The following MFSD2B variants were observed in gnomAD, a reference collection of about 807,000 sequenced individuals.
The protein encoded by MFSD2B is MFSD2 lysolipid transporter B, sphingolipid.
Under a neutral mutation model 58.4 loss-of-function variants are expected in MFSD2B, and 56 were observed. That is an observed-to-expected ratio of 0.96 (90% confidence interval 0.77 to 1.20). MFSD2B has a LOEUF of 1.20. MFSD2B is among the 50% of genes most tolerant of loss of function. MFSD2B has a pLI of 0.00. For missense variants in MFSD2B, 645 were observed against 667.6 expected (o/e 0.97, Z 0.37); for synonymous variants, 287 against 294.4 (o/e 0.97, Z 0.26).
intron 2 of MFSD2B, 51 bp from the exon 3 acceptor site, chr2:24,016,105 C>G: frequency 6.2e-7 from 1 of 1,608,846 alleles, no homozygotes; most frequent in Admixed American, 1.7e-5. Context: ...TGGATGGGCT[C>G]TCTGCTGCTG....
Position 24,010,144 on chromosome 2 carries a change from G to A in MFSD2B, c.48G>A (p.Glu16=). 6.8e-7 allele frequency: 1 copy of A among 1,464,304 alleles called. No homozygotes were observed. Among genetic ancestry groups the A allele is most frequent in the Non-Finnish European group, 9.0e-7 (1 of 1,114,534 alleles). The allele number at this position is 1,464,304 out of a possible 1,614,324, so 90.7% of individuals were successfully genotyped here. Residue 16 remains glutamate, a synonymous_variant, in exon 1 of 14, where the codon GAG becomes GAA. Transcript: ENST00000338315. ...CCGCCAAGGGGTCCCCGCAGCCGGAGCCGCACGCCCCAGAGCCCGGCCCGG... is the reference window on the plus strand; with the variant it reads ...CCGCCAAGGGGTCCCCGCAGCCGGAACCGCACGCCCCAGAGCCCGGCCCGG... ...APAAKGSPQP[E]PHAPEPGPGS... is the part of the protein sequence containing the mutation.
rs1188281033 is a variant in MFSD2B, at chr2:24,012,184, A to G, written c.97-1101A>G. On this transcript the variant is annotated intron_variant, in intron 1 of 13. Transcript: ENST00000338315. This position sits in a 1 kb window ranked among gnomAD's most constrained non-coding sequence, Gnocchi z 4.5. ...CACACACACACACACACACACAAAAACAGACAAAAAAACCCTGCAATAGCA... is the reference window on the plus strand; with the variant it reads ...CACACACACACACACACACACAAAAGCAGACAAAAAAACCCTGCAATAGCA... 7.7e-6 allele frequency among the ~76,000 whole-genome samples: 1 copy of G among 129,486 alleles called. No homozygotes were observed. The highest frequency in any genetic ancestry group is 2.8e-5 in the African/African-American group (1 of 35,818). The allele number at this position is 129,486 out of a possible 152,430, so 84.9% of individuals were successfully genotyped here.
chr2:24,010,958 T>C (rs1239925109), intron 1 of MFSD2B, among the ~76,000 whole-genome samples: 2 of 152,180 alleles, frequency 1.3e-5, no homozygotes, highest in Admixed American at 6.5e-5. Flanking sequence ...CCGGGGACTC[T>C]CACTTCCCAG....
chr2:24,018,882 G>C (rs1425689985), intron 6 of MFSD2B: 2 of 126,244 alleles, frequency 1.6e-5, no homozygotes, highest in African/African-American at 6.2e-5. Context: ...ACGGAATCTC[G>C]ATCTGTTGCC....
chr2:24,021,535 T>G lies in MFSD2B; in HGVS notation c.682-113T>G. ...AGGTGGGGACCCAGCGTCCTGGGCT[T>G]GGGTTGTGCCTCCCTCCGCTCCCAC... On this transcript the variant is annotated intron_variant, in intron 6 of 13. Coordinates refer to ENST00000338315, the MANE Select transcript of MFSD2B (RefSeq NM_001346880.2). This position sits in a 1 kb window ranked among gnomAD's most constrained non-coding sequence, Gnocchi z 5.7. 1 of 929,378 alleles carries G rather than the reference T, an allele frequency of 1.1e-6. No homozygotes were observed. Among genetic ancestry groups the G allele is most frequent in the Non-Finnish European group, 1.7e-6 (1 of 594,662 alleles). 57.6% of individuals were successfully genotyped at this position (929,378 alleles called of 1,614,324 possible).
At chr2:24,013,198 G>T (rs1271370055) in intron 1 of MFSD2B, 87 bp from the exon 2 acceptor site, 53 of 1,364,222 alleles carry the variant, frequency 3.9e-5, no homozygotes, top group Non-Finnish European at 5.1e-5. Context: ...ACATCACAGA[G>T]ACTCAGGATG....
intron 1 of MFSD2B, 147 bp from the exon 2 acceptor site, chr2:24,013,138 A>G (rs565833170): frequency 2.0e-4 from 134 of 659,658 alleles, no homozygotes; most frequent in Non-Finnish European, 2.4e-4. Context: ...TCCTCTTAGG[A>G]TGACATGGGG....
chr2:24,012,177 C>CAA lies in MFSD2B; in HGVS notation c.97-1107_97-1106insAA, dbSNP rs1217593962. Among the ~76,000 whole-genome samples the CAA allele has an allele frequency of 5.4e-3, 798 of 146,960 alleles. 24 individuals are homozygous for CAA. Among genetic ancestry groups the CAA allele is most frequent in the African/African-American group, 0.017 (685 of 39,544 alleles). On this transcript the variant is annotated intron_variant, in intron 1 of 13. Transcript: ENST00000338315. This position sits in a 1 kb window ranked among gnomAD's most constrained non-coding sequence, Gnocchi z 4.5. ...ACACACACACACACACACACACACA[C>CAA]ACAAAAACAGACAAAAAAACCCTGC... is the stretch of plus-strand genomic sequence containing the variant.
In MFSD2B at chr2:24,016,950, GTTCCAGGCCC is replaced by G. The variant is rs758755598; in HGVS notation, c.455_464del (p.Phe152TrpfsTer16). The G allele has an allele frequency of 9.3e-6, 15 of 1,613,738 alleles. No homozygotes were observed. In the African/African-American group the frequency reaches 1.9e-4, roughly 20 times the overall value. The stretch of plus-strand genomic sequence containing the variant: ...TCTGGTACACGACTTTCTACTGCCT[GTTCCAGGCCC>G]TGGCCACGGTAAGCAGGGCCCCTTC... On this transcript the variant is annotated frameshift_variant, in exon 4 of 14. Transcript: ENST00000338315. LOFTEE classifies it high-confidence loss of function.
chr2:24,014,475 G>A (rs898026699), intron 2 of MFSD2B, among the ~76,000 whole-genome samples: 2 of 152,162 alleles, frequency 1.3e-5, no homozygotes, highest in Admixed American at 6.5e-5. Flanking sequence ...TCTTCTTCCA[G>A]TGTGGCCCAC....
At chr2:24,014,549 T>C (rs1286378806) in intron 2 of MFSD2B, among the ~76,000 whole-genome samples, 1 of 152,196 alleles carries the variant, frequency 6.6e-6, no homozygotes, top group Non-Finnish European at 1.5e-5. Context: ...TTCAAAATAA[T>C]GATCTATACC....
rs978629406 is a variant in MFSD2B at position 24,022,201 on chromosome 2, G to A, written c.894+231G>A. Among the ~76,000 whole-genome samples, 1 of 152,186 alleles carries A rather than the reference G, an allele frequency of 6.6e-6. No individual in the cohort carries two copies. The highest frequency in any genetic ancestry group is 2.4e-5 in the African/African-American group (1 of 41,436). On this transcript the variant is annotated intron_variant, in intron 8 of 13. Coordinates refer to ENST00000338315, the MANE Select transcript of MFSD2B (RefSeq NM_001346880.2). The surrounding 1 kb of genome is among the most constrained non-coding windows in gnomAD (Gnocchi z 4.5). The stretch of plus-strand genomic sequence containing the variant: ...TGGGCGGTTTCCTCTCACATTACCT[G>A]AAGTGTAGTCAAGTCCACCTGATCA...
chr2:24,015,995 C>G (rs1409118868), intron 2 of MFSD2B, among the ~76,000 whole-genome samples, 161 bp from the exon 3 acceptor site: 1 of 152,192 alleles, frequency 6.6e-6, no homozygotes, highest in Non-Finnish European at 1.5e-5. Flanking sequence ...TGGACTCAGC[C>G]CCGGGATCAG....
Position 24,023,592 on chromosome 2 carries a change from G to C in MFSD2B, c.1179G>C (p.Leu393=), listed in dbSNP as rs1662878278. The change falls in exon 12 of 14, where the codon CTG becomes CTC. Residue 393 remains leucine (L), a synonymous_variant. Coordinates refer to ENST00000338315, the MANE Select transcript of MFSD2B (RefSeq NM_001346880.2). The surrounding 1 kb of genome is among the most constrained non-coding windows in gnomAD (Gnocchi z 5.0). ...CACACCCCCGCCGCAGGTCCATGCT[G>C]CCAGACGTGGTGGATGACTTTCAGC... ...AVSLLLPWSM[L]PDVVDDFQLQ... 4 of 1,613,848 alleles carry C rather than the reference G, an allele frequency of 2.5e-6. No individual in the cohort carries two copies. In the Admixed American group the frequency reaches 6.7e-5, roughly 27 times the overall value.
chr2:24,023,319 T>C lies in MFSD2B; in HGVS notation c.1169+80T>C. On this transcript the variant is annotated intron_variant, in intron 11 of 13. Coordinates refer to ENST00000338315, the MANE Select transcript of MFSD2B (RefSeq NM_001346880.2). This position sits in a 1 kb window ranked among gnomAD's most constrained non-coding sequence, Gnocchi z 5.0. ...TGTAAACCTGCCGTCCCAGGCCCCC[T>C]GCACCCAGCCTGTGCAGGAGATGGA... is the stretch of plus-strand genomic sequence containing the variant. The C allele has an allele frequency of 3.3e-6, 4 of 1,225,350 alleles. No homozygotes were observed. The highest frequency in any genetic ancestry group is 1.5e-5 in the African/African-American group (1 of 67,782). 75.9% of individuals were successfully genotyped at this position (1,225,350 alleles called of 1,614,324 possible). A position where few individuals can be genotyped will look rare whatever the true frequency, so the allele number is the denominator to read the frequency against.
rs763805913 is a variant in MFSD2B, at chr2:24,017,300, C to G, written c.486C>G (p.Pro162=). Residue 162 remains proline (P), a synonymous_variant, in exon 5 of 14, where the codon CCC becomes CCG. Coordinates refer to ENST00000338315, the MANE Select transcript of MFSD2B (RefSeq NM_001346880.2). This position sits in a 1 kb window ranked among gnomAD's most constrained non-coding sequence, Gnocchi z 4.8. ...CGACGCCCCAGTTCTTCCAGGTGCC[C>G]TACACAGCGCTCACCATGCTGCTGA... ...FQALATFFQV[P]YTALTMLLTP... is the part of the protein sequence containing the mutation. 6.2e-7 allele frequency: 1 copy of G among 1,602,910 alleles called. No individual in the cohort carries two copies. Among genetic ancestry groups the G allele is most frequent in the African/African-American group, 1.3e-5 (1 of 74,716 alleles).
In MFSD2B at chr2:24,022,118, C is replaced by G; in HGVS notation, c.894+148C>G. 1.0e-6 allele frequency: 1 copy of G among 990,348 alleles called. No individual in the cohort carries two copies. The highest frequency in any genetic ancestry group is 1.5e-5 in the South Asian group (1 of 65,812). The allele number at this position is 990,348 out of a possible 1,614,324, so 61.3% of individuals were successfully genotyped here. A position where few individuals can be genotyped will look rare whatever the true frequency, so the allele number is the denominator to read the frequency against. On this transcript the variant is annotated intron_variant, in intron 8 of 13. Transcript: ENST00000338315. This position sits in a 1 kb window ranked among gnomAD's most constrained non-coding sequence, Gnocchi z 4.5. The stretch of plus-strand genomic sequence containing the variant: ...GGGGCTGGTGCCGGGAGGGAGATCC[C>G]GGTAGGGCTTGTGGGAATGGAGGGC...
intron 3 of MFSD2B, 147 bp from the exon 4 acceptor site, chr2:24,016,698 T>C: frequency 1.1e-6 from 1 of 930,072 alleles, no homozygotes; most frequent in Admixed American, 2.7e-5. Flanking sequence ...CATCGGCCAC[T>C]TCTCCCCTGC....
chr2:24,010,329 G>C, intron 1 of MFSD2B, 137 bp downstream of exon 1: 1 of 626,924 alleles, frequency 1.6e-6, no homozygotes, highest in Non-Finnish European at 2.4e-6. Context: ...CTGCCCTCGC[G>C]GGGTTACACG....
Sources: gnomAD v4.1 joint callset for allele counts (sites outside exome capture counted in the v4.1 genomes callset) on GRCh38, gnomAD v4.1.1 for gene constraint, Gnocchi (gnomAD v3.1) non-coding constraint, MANE v1.5 for transcripts, NCBI Gene and HGNC (gene_info 2026-07-23, HGNC 2026-07-21) for gene names.